Variants in LRRC7 observed in about 807,000 individuals in gnomAD.
LRRC7 encodes leucine rich repeat containing 7.
A neutral mutation model predicts 175.7 loss-of-function variants in LRRC7; 23 were observed. That is an observed-to-expected ratio of 0.13 (90% CI 0.09 to 0.19). LRRC7 has a LOEUF of 0.19. Ranked by LOEUF, LRRC7 falls within the 10% of genes least tolerant of loss-of-function variation. The pLI, the probability that LRRC7 is intolerant of heterozygous loss-of-function variation, is 1.00. For synonymous variants in LRRC7, 685 were observed against 680.9 expected (o/e 1.01, Z -0.09); for missense variants, 1,354 against 1,904.7 (o/e 0.71, Z 5.38).
intron 8 of LRRC7, among the ~76,000 whole-genome samples, chr1:69,954,261 G>C (rs1268882745): frequency 2.0e-5 from 3 of 152,032 alleles, no homozygotes; most frequent in African/African-American, 7.2e-5. Flanking sequence ...CAAGCGTGCT[G>C]TGGGTTGATG....
At chr1:69,863,902 G>A (rs1485659265) in intron 7 of LRRC7, among the ~76,000 whole-genome samples, 5 of 152,160 alleles carry the variant, frequency 3.3e-5, no homozygotes, top group Admixed American at 3.3e-4. Flanking sequence ...CACTCCTTAA[G>A]ATAATGGCCC....
At chr1:69,998,235 T>C (rs1655192513) in intron 11 of LRRC7, among the ~76,000 whole-genome samples, 1 of 152,290 alleles carries the variant, frequency 6.6e-6, no homozygotes, top group Non-Finnish European at 1.5e-5. Flanking sequence ...CTATCACCAC[T>C]GCAATGAAGA....
chr1:69,717,476 T>C (rs898239422), intron 2 of LRRC7, among the ~76,000 whole-genome samples: 3 of 151,778 alleles, frequency 2.0e-5, no homozygotes, highest in African/African-American at 7.2e-5. Context: ...AAGGACTCAA[T>C]AGAGATGAAA....
intron 2 of LRRC7, among the ~76,000 whole-genome samples, chr1:69,681,242 C>A (rs554557280): frequency 6.6e-6 from 1 of 152,082 alleles, no homozygotes; most frequent in African/African-American, 2.4e-5. Context: ...CAAGACTTGT[C>A]GGTCAACTCC....
chr1:69,906,658 T>C (rs1646324097), intron 7 of LRRC7, among the ~76,000 whole-genome samples: 2 of 152,168 alleles, frequency 1.3e-5, no homozygotes, highest in Non-Finnish European at 1.5e-5. Context: ...TTTTGGTTAC[T>C]GTAGCCTTGT....
chr1:69,633,055 G>A (rs928686147), intron 1 of LRRC7, among the ~76,000 whole-genome samples: 5 of 151,656 alleles, frequency 3.3e-5, no homozygotes, highest in African/African-American at 1.2e-4. Flanking sequence ...TTTCTTTGTG[G>A]GATAATATCT....
chr1:70,022,668 G>A (rs1180557097), intron 16 of LRRC7, among the ~76,000 whole-genome samples: 1 of 152,032 alleles, frequency 6.6e-6, no homozygotes, highest in Non-Finnish European at 1.5e-5. Flanking sequence ...TATTTCCAAT[G>A]CCATTGGCTA....
At chr1:69,806,123 G>A (rs1283347704) in intron 4 of LRRC7, among the ~76,000 whole-genome samples, 1 of 151,924 alleles carries the variant, frequency 6.6e-6, no homozygotes, top group Non-Finnish European at 1.5e-5. Flanking sequence ...AAACAAGAAT[G>A]AACGTTACCT....
At position 69,893,986 on chromosome 1, in the gene LRRC7, T is replaced by C. The variant is rs573433626; in HGVS notation, c.648-37521T>C. On this transcript the variant is annotated intron_variant, in intron 7 of 26. Transcript: ENST00000651989. ...GCATCGGCTACTGAATGTCAAGACA[T>C]GAGGTTTGAGCAATAGAGCAGAGCC... is the stretch of plus-strand genomic sequence containing the variant. 5.3e-5 allele frequency among the ~76,000 whole-genome samples: 8 copies of C among 152,266 alleles called. No homozygotes were observed. The South Asian group carries it at 1.5e-3, about 28-fold the overall frequency.
At chr1:69,804,139 T>C (rs1676843608) in intron 4 of LRRC7, among the ~76,000 whole-genome samples, 2 of 151,456 alleles carry the variant, frequency 1.3e-5, no homozygotes, top group Non-Finnish European at 3.0e-5. Context: ...TTGTTTTTAT[T>C]GAAATACATT....
intron 2 of LRRC7, among the ~76,000 whole-genome samples, chr1:69,717,871 A>G (rs1431700464): frequency 1.5e-5 from 2 of 135,558 alleles, no homozygotes; most frequent in African/African-American, 2.8e-5. Flanking sequence ...AGAAAGAAAG[A>G]AAGAAAGAGA....
intron 11 of LRRC7, among the ~76,000 whole-genome samples, chr1:70,009,292 T>G (rs1656269227): frequency 6.6e-6 from 1 of 151,928 alleles, no homozygotes; most frequent in African/African-American, 2.4e-5. Context: ...TCTAAAAAAT[T>G]TATTGAGTGC....
intron 2 of LRRC7, among the ~76,000 whole-genome samples, chr1:69,704,640 A>T (rs1357762840): frequency 6.6e-6 from 1 of 151,960 alleles, no homozygotes; most frequent in Non-Finnish European, 1.5e-5. Flanking sequence ...TATAAATATG[A>T]TCAGTTTTAA....
At chr1:69,771,381 A>G (rs1257416506) in intron 3 of LRRC7, among the ~76,000 whole-genome samples, 2 of 152,186 alleles carry the variant, frequency 1.3e-5, no homozygotes, top group Non-Finnish European at 2.9e-5. Context: ...TAGTACCAGC[A>G]ACTCTTAATT....
chr1:70,040,679 T>C (rs935552331), intron 21 of LRRC7, among the ~76,000 whole-genome samples: 1 of 152,048 alleles, frequency 6.6e-6, no homozygotes, highest in Non-Finnish European at 1.5e-5. Flanking sequence ...CCAGGCATGG[T>C]GGCGCACGCC....
At chr1:69,834,633 T>C (rs1680905048) in intron 5 of LRRC7, 147 bp from the exon 6 acceptor site, 1 of 705,018 alleles carries the variant, frequency 1.4e-6, no homozygotes, top group Non-Finnish European at 2.4e-6. Context: ...AACAACATGC[T>C]CAATAAATTC....
rs1558048713 is a variant in LRRC7, at chr1:70,076,169, G to A, written c.4323G>A (p.Val1441=). Residue 1441 remains valine (V), a synonymous_variant, in exon 24 of 27, where the codon GTG becomes GTA. Coordinates refer to ENST00000651989, the MANE Select transcript of LRRC7 (RefSeq NM_001370785.2). ...CGTATGAAGGAAATATAAACAAAGT[G>A]ACCATCCAGCAATTTCAGTCACCAT... is the stretch of plus-strand genomic sequence containing the variant. ...QQPYEGNINK[V]TIQQFQSPLP... 1 of 1,614,072 alleles carries A rather than the reference G, an allele frequency of 6.2e-7. No homozygotes were observed. Among genetic ancestry groups the A allele is most frequent in the Non-Finnish European group, 8.5e-7 (1 of 1,179,978 alleles).
intron 7 of LRRC7, among the ~76,000 whole-genome samples, chr1:69,864,386 A>G: frequency 6.6e-6 from 1 of 152,198 alleles, no homozygotes; most frequent in South Asian, 2.1e-4. Flanking sequence ...TGATAAAACT[A>G]AAAACAAAAG....
In LRRC7 at chr1:69,608,897, T is replaced by TAC. The variant is rs1231655932; in HGVS notation, c.2+40257_2+40258insCA. ...ATATATATATATATATATATATATATATACACACACACACACATATATATA... is the reference window on the plus strand; with the variant it reads ...ATATATATATATATATATATATATATACATACACACACACACACATATATATA... On this transcript the variant is annotated intron_variant, in intron 1 of 26. Coordinates refer to ENST00000651989, the MANE Select transcript of LRRC7 (RefSeq NM_001370785.2). Among the ~76,000 whole-genome samples the TAC allele has an allele frequency of 6.2e-4, 73 of 118,144 alleles. 1 individual carries two copies. The highest frequency in any genetic ancestry group is 2.2e-3 in the African/African-American group (67 of 29,830). The allele number at this position is 118,144 out of a possible 152,430, so 77.5% of individuals were successfully genotyped here. A position where few individuals can be genotyped will look rare whatever the true frequency, so the allele number is the denominator to read the frequency against.
Sources: allele counts gnomAD v4.1 joint callset (sites outside exome capture counted in the v4.1 genomes callset), GRCh38; gene constraint gnomAD v4.1.1; transcripts MANE v1.5; gene names NCBI Gene and HGNC (gene_info 2026-07-23, HGNC 2026-07-21).